EXOC6: variants seen among roughly 807,000 people sequenced by gnomAD.
EXOC6 encodes exocyst complex component 6, also known as SEC15-like 1.
EXOC6 carries 60 observed loss-of-function variants against 112.5 expected under a neutral mutation model. That is an observed-to-expected ratio of 0.53 (90% CI 0.43 to 0.66). The LOEUF (loss-of-function observed/expected upper bound fraction) is 0.66, where lower values mean the gene tolerates loss of function less well. EXOC6 is among the 30% of genes least tolerant of loss of function. The pLI is 0.00. For missense variants in EXOC6, 855 were observed against 957.1 expected (o/e 0.89, Z 1.41); for synonymous variants, 295 against 308.0 (o/e 0.96, Z 0.44).
At chr10:93,017,204 C>G (rs573548520) in intron 20 of EXOC6, among the ~76,000 whole-genome samples, 80 of 152,188 alleles carry the variant, frequency 5.3e-4, no homozygotes, top group African/African-American at 1.9e-3. Flanking sequence ...CAATTGGCTA[C>G]AGTCCAAAAT....
chr10:92,895,339 A>G (rs140107856), intron 4 of EXOC6, among the ~76,000 whole-genome samples: 5 of 152,010 alleles, frequency 3.3e-5, no homozygotes, highest in Non-Finnish European at 7.4e-5. Flanking sequence ...CCATGGGGAG[A>G]GTCTTTTGGT....
intron 1 of EXOC6, among the ~76,000 whole-genome samples, chr10:92,882,002 C>T (rs1220147509): frequency 6.6e-6 from 1 of 152,096 alleles, no homozygotes; most frequent in Admixed American, 6.6e-5. Context: ...TTATCAATTA[C>T]CCAGTCTCGA....
At chr10:93,009,096 C>T (rs574378319) in intron 19 of EXOC6, among the ~76,000 whole-genome samples, 2 of 152,146 alleles carry the variant, frequency 1.3e-5, no homozygotes, top group South Asian at 4.2e-4. Flanking sequence ...CACCTGTAGT[C>T]CCAGCTACTC....
Position 92,923,083 on chromosome 10 carries a change from G to A in EXOC6, c.888+3033G>A, listed in dbSNP as rs1333978731. On this transcript the variant is annotated intron_variant, in intron 8 of 21. Transcript: ENST00000260762. ...TACCCCACATCAGATTACCAGTGTT[G>A]AGATTAATAAGTTATGGTGTGTAGA... Among the ~76,000 whole-genome samples, 2 of 152,276 alleles carry A rather than the reference G, an allele frequency of 1.3e-5. 1 individual carries two copies. The highest frequency in any genetic ancestry group is 4.1e-4 in the South Asian group (2 of 4,826).
chr10:92,870,105 C>T (rs926324704), intron 1 of EXOC6, among the ~76,000 whole-genome samples: 2 of 151,962 alleles, frequency 1.3e-5, no homozygotes, highest in Non-Finnish European at 2.9e-5. Context: ...GTGCCCACCA[C>T]CACGCCTGGC....
chr10:92,989,236 A>G (rs894576443), intron 18 of EXOC6, among the ~76,000 whole-genome samples: 1 of 152,218 alleles, frequency 6.6e-6, no homozygotes, highest in Non-Finnish European at 1.5e-5. Flanking sequence ...GAAATGGACA[A>G]CATGAAGGTC....
chr10:92,949,959 TGAG>T (rs1342892505), intron 14 of EXOC6, among the ~76,000 whole-genome samples: 1 of 152,190 alleles, frequency 6.6e-6, no homozygotes, highest in East Asian at 1.9e-4. Context: ...ATCTGTCAAA[TGAG>T]GAGTTTGAAC....
Position 92,899,583 on chromosome 10 carries a change from A to T in EXOC6, c.413-16A>T. The T allele has an allele frequency of 6.4e-7, 1 of 1,555,508 alleles. No individual in the cohort carries two copies. The highest frequency in any genetic ancestry group is 8.7e-7 in the Non-Finnish European group (1 of 1,144,696). On this transcript the variant is annotated splice_polypyrimidine_tract_variant and intron_variant, in intron 4 of 21. Coordinates refer to ENST00000260762, the MANE Select transcript of EXOC6 (RefSeq NM_019053.6). ...TTTTCATTTTGAAAGCTAAAATGTT[A>T]TATTTTTTAATGCAGTGCTAGAAAT...
intron 20 of EXOC6, among the ~76,000 whole-genome samples, chr10:93,015,161 G>A (rs189677337): frequency 2.2e-4 from 34 of 152,154 alleles, no homozygotes; most frequent in African/African-American, 7.0e-4. Flanking sequence ...ATTCCCTTTA[G>A]GGGATAGAGA....
At chr10:92,982,392 A>ACAGTGG (rs1842857850) in intron 18 of EXOC6, among the ~76,000 whole-genome samples, 1 of 152,162 alleles carries the variant, frequency 6.6e-6, no homozygotes, top group Non-Finnish European at 1.5e-5. Context: ...CTGTGCCTTG[A>ACAGTGG]CAGTGGCATC....
chr10:92,874,383 G>T (rs755341131), intron 1 of EXOC6, among the ~76,000 whole-genome samples: 5 of 151,878 alleles, frequency 3.3e-5, no homozygotes, highest in African/African-American at 7.3e-5. Context: ...CTTATTTCTG[G>T]ATTATTATGT....
intron 1 of EXOC6, among the ~76,000 whole-genome samples, chr10:92,873,705 A>C (rs967343783): frequency 2.6e-5 from 4 of 152,088 alleles, no homozygotes; most frequent in African/African-American, 9.7e-5. Context: ...AACACATAGA[A>C]CGTGAGTTTT....
intron 5 of EXOC6, among the ~76,000 whole-genome samples, chr10:92,909,202 AAG>A (rs778661703): frequency 8.1e-4 from 123 of 152,288 alleles, no homozygotes; most frequent in Admixed American, 2.0e-3. Flanking sequence ...GAAGTGAAAA[AAG>A]AAGTTTTACA....
Position 92,899,611 on chromosome 10 carries a change from A to G in EXOC6, c.425A>G (p.Tyr142Cys), listed in dbSNP as rs1850044630. 6.2e-7 allele frequency: 1 copy of G among 1,606,836 alleles called. No individual in the cohort carries two copies. The highest frequency in any genetic ancestry group is 1.3e-5 in the African/African-American group (1 of 74,644). ...LQLCLPVLEMYSKLKEQMSAK... is the reference protein window; with the variant it reads ...LQLCLPVLEMCSKLKEQMSAK... ...TTTTTTAATGCAGTGCTAGAAATGT[A>G]CAGTAAGCTGAAAGAACAGATGAGT... Residue 142 changes from tyrosine (Y) to cysteine (C), a missense_variant, in exon 5 of 22, where the codon TAC (tyrosine) becomes TGC (cysteine). By Grantham distance (194) the Tyr-to-Cys change is radical. Transcript: ENST00000260762.
intron 18 of EXOC6, among the ~76,000 whole-genome samples, chr10:92,992,387 A>T (rs565583979): frequency 7.4e-4 from 112 of 152,218 alleles, no homozygotes; most frequent in Admixed American, 2.8e-3. Context: ...CCTTTATAAC[A>T]TATCTATTCT....
intron 9 of EXOC6, among the ~76,000 whole-genome samples, chr10:92,932,434 T>C (rs1451522404): frequency 6.6e-6 from 1 of 152,254 alleles, no homozygotes; most frequent in African/African-American, 2.4e-5. Context: ...AAGGGTTAAT[T>C]TTATTATATG....
chr10:92,870,591 T>C (rs544947688), intron 1 of EXOC6, among the ~76,000 whole-genome samples: 1 of 152,338 alleles, frequency 6.6e-6, no homozygotes, highest in South Asian at 2.1e-4. Flanking sequence ...GTTTGCACTT[T>C]GGTGCACTTT....
chr10:92,868,521 A>G (rs1277879711), intron 1 of EXOC6, among the ~76,000 whole-genome samples: 2 of 151,880 alleles, frequency 1.3e-5, no homozygotes, highest in Non-Finnish European at 2.9e-5. Context: ...TTTTTCAGGG[A>G]TTTCCTGGTG....
chr10:92,911,045 T>C (rs1481329844), intron 6 of EXOC6, among the ~76,000 whole-genome samples: 1 of 77,928 alleles, frequency 1.3e-5, no homozygotes, highest in African/African-American at 5.0e-5. Context: ...TTAATCTGTT[T>C]ATTTTGAAAT....
Sources: allele counts gnomAD v4.1 joint callset (sites outside exome capture counted in the v4.1 genomes callset), GRCh38; gene constraint gnomAD v4.1.1; transcripts MANE v1.5; gene names NCBI Gene and HGNC (gene_info 2026-07-23, HGNC 2026-07-21).